Variants in EIF4E3 observed in about 807,000 individuals in gnomAD.
EIF4E3 encodes eukaryotic translation initiation factor 4E family member 3, also known as eukaryotic translation initiation factor 4E type 3.
In EIF4E3, 26 loss-of-function variants were observed where a neutral mutation model predicts 31.7. The observed-to-expected ratio is 0.82, with a 90% CI of 0.60 to 1.14. The LOEUF (loss-of-function observed/expected upper bound fraction) is 1.14, where lower values mean the gene tolerates loss of function less well. Among genes scored for constraint, EIF4E3 ranks in the 50% most tolerant of loss-of-function variants. The probability of loss-of-function intolerance (pLI) is 0.00; values close to 1 mark genes in which losing one functional copy is unlikely to be tolerated. For synonymous variants in EIF4E3, 128 were observed against 107.7 expected, an observed-to-expected ratio of 1.19 and a Z score of -1.17; for missense variants, 304 against 270.9, an observed-to-expected ratio of 1.12 and a Z score of -0.86.
chr3:71,718,387 T>C lies in EIF4E3; in HGVS notation c.176+6805A>G, dbSNP rs138813675. Among the ~76,000 whole-genome samples, 1,164 of 152,384 alleles carry C rather than the reference T, an allele frequency of 7.6e-3. 10 individuals carry two copies. Among genetic ancestry groups the C allele is most frequent in the Admixed American group, 0.011 (174 of 15,312 alleles). On this transcript the variant is annotated intron_variant, in intron 1 of 6. Transcript: ENST00000425534. The stretch of plus-strand genomic sequence containing the variant: ...ATATATACATCATTTAAAGGTTTTA[T>C]TTCTGCATGTTTATTTGATTTTGAT...
chr3:71,754,087 G>A, upstream of EIF4E3: 2 of 1,343,240 alleles, frequency 1.5e-6, no homozygotes, highest in South Asian at 1.4e-5. This position sits in a 1 kb window ranked among gnomAD's most constrained non-coding sequence, Gnocchi z 5.8. Context: ...AGCGGCGGCG[G>A]CGAGGCGGCC....
intron 1 of EIF4E3, among the ~76,000 whole-genome samples, chr3:71,717,182 C>T (rs2049478072): frequency 6.6e-6 from 1 of 152,190 alleles, no homozygotes; most frequent in South Asian, 2.1e-4. Context: ...GTAGCATCAC[C>T]CGGGAGCTTG....
chr3:71,710,319 AG>A (rs2108077383), intron 2 of EIF4E3, 92 bp downstream of exon 2: 2 of 1,395,078 alleles, frequency 1.4e-6, no homozygotes, highest in Non-Finnish European at 2.0e-6. Context: ...AACCCTGGAC[AG>A]GGGCTGCCAG....
intron 6 of EIF4E3, among the ~76,000 whole-genome samples, chr3:71,686,325 A>C (rs118084361): frequency 6.6e-6 from 1 of 151,954 alleles, no homozygotes; most frequent in African/African-American, 2.4e-5. Context: ...TCTTCAGACT[A>C]TTGCTGAGGG....
chr3:71,692,391 C>T (rs927555942), intron 5 of EIF4E3, among the ~76,000 whole-genome samples: 12 of 152,198 alleles, frequency 7.9e-5, no homozygotes, highest in Admixed American at 7.2e-4. Flanking sequence ...TTACTCAATA[C>T]TGGCTATTTA....
intron 1 of EIF4E3, among the ~76,000 whole-genome samples, chr3:71,723,006 C>T (rs567437474): frequency 4.6e-5 from 7 of 152,290 alleles, no homozygotes; most frequent in African/African-American, 1.4e-4. Context: ...ACACAGTAGG[C>T]TGGAAAGTAG....
chr3:71,718,017 AATG>A (rs1429882687), intron 1 of EIF4E3, among the ~76,000 whole-genome samples: 1 of 152,258 alleles, frequency 6.6e-6, no homozygotes, highest in Non-Finnish European at 1.5e-5. Flanking sequence ...TGAAAAAACC[AATG>A]ATGACAATAT....
At chr3:71,754,247 G>T (rs772141872), upstream of EIF4E3, 2 of 1,284,392 alleles carry the variant, frequency 1.6e-6, no homozygotes, top group Admixed American at 4.8e-5. This position sits in a 1 kb window ranked among gnomAD's most constrained non-coding sequence, Gnocchi z 5.8. Flanking sequence ...CCGACGGGCT[G>T]CGCGCGCTCG....
At chr3:71,671,544 G>C (rs554858617), downstream of EIF4E3, among the ~76,000 whole-genome samples, 3 of 152,316 alleles carry the variant, frequency 2.0e-5, no homozygotes, top group South Asian at 6.2e-4. Flanking sequence ...GTCAGGATCA[G>C]AAAGACACTT....
intron 1 of EIF4E3, among the ~76,000 whole-genome samples, chr3:71,733,187 G>A (rs55670724): frequency 0.13 from 19,916 of 152,092 alleles, 1,606 homozygotes; most frequent in South Asian, 0.35. Flanking sequence ...TTGGTCCTGG[G>A]AAAACCCGAA....
the EIF4E3 span, among the ~76,000 whole-genome samples, chr3:71,669,733 G>A: frequency 6.6e-6 from 1 of 152,076 alleles, no homozygotes; most frequent in Non-Finnish European, 1.5e-5. Context: ...TTTATTTTGA[G>A]TGACATTCTA....
chr3:71,695,096 C>T (rs1317025087), intron 4 of EIF4E3, among the ~76,000 whole-genome samples: 1 of 152,132 alleles, frequency 6.6e-6, no homozygotes, highest in East Asian at 1.9e-4. Context: ...TAGCCTGTCC[C>T]TTCTGGTCTA....
intron 1 of EIF4E3, among the ~76,000 whole-genome samples, chr3:71,731,821 G>A (rs749236198): frequency 3.9e-5 from 6 of 152,100 alleles, no homozygotes; most frequent in Non-Finnish European, 8.8e-5. Flanking sequence ...CTGAAATCTG[G>A]AATCTAGCCT....
upstream of EIF4E3, among the ~76,000 whole-genome samples, chr3:71,727,594 T>C (rs995989115): frequency 6.6e-6 from 1 of 152,224 alleles, no homozygotes; most frequent in African/African-American, 2.4e-5. Flanking sequence ...CAGAATAAGT[T>C]TGGAGAAGAA....
At position 71,680,114 on chromosome 3, in the gene EIF4E3, G is replaced by C; in HGVS notation, c.*4568C>G. 1 of 152,122 alleles carries C rather than the reference G, an allele frequency of 6.6e-6. No individual in the cohort carries two copies. The highest frequency in any genetic ancestry group is 1.9e-4 in the East Asian group (1 of 5,190). The allele number at this position is 152,122 out of a possible 1,614,324, so 9.4% of individuals were successfully genotyped here. ...TTATTCACGAGCATCATCTACTCAA[G>C]TCTCAGTATTAATGGTTTTCTCCAG... is the stretch of plus-strand genomic sequence containing the variant. On this transcript the variant is annotated 3_prime_UTR_variant, in exon 7 of 7. Transcript: ENST00000425534.
chr3:71,725,081 G>A lies in EIF4E3; in HGVS notation c.176+111C>T. ...CAGGCGGACGCGCGGAGGGGCCGAG[G>A]TCTGTGCCACAGCGGAGCGGGGCCG... On this transcript the variant is annotated intron_variant, in intron 1 of 6. Coordinates refer to ENST00000425534, the MANE Select transcript of EIF4E3 (RefSeq NM_001134651.2). The surrounding 1 kb of genome is among the most constrained non-coding windows in gnomAD (Gnocchi z 6.1). The A allele has an allele frequency of 1.2e-6, 1 of 837,562 alleles. No homozygotes were observed. The highest frequency in any genetic ancestry group is 1.4e-6 in the Non-Finnish European group (1 of 691,594). The allele number at this position is 837,562 out of a possible 1,614,324, so 51.9% of individuals were successfully genotyped here. A position where few individuals can be genotyped will look rare whatever the true frequency, so the allele number is the denominator to read the frequency against.
At chr3:71,713,731 C>A (rs1057067107) in intron 1 of EIF4E3, among the ~76,000 whole-genome samples, 1 of 152,088 alleles carries the variant, frequency 6.6e-6, no homozygotes, top group East Asian at 1.9e-4. Flanking sequence ...GCCATCACCT[C>A]GAGGCCTGAA....
chr3:71,731,872 T>C (rs1449284747), intron 1 of EIF4E3, among the ~76,000 whole-genome samples: 1 of 152,236 alleles, frequency 6.6e-6, no homozygotes, highest in Admixed American at 6.5e-5. Flanking sequence ...TCAAATGCAT[T>C]TGCGAGTATA....
intron 1 of EIF4E3, among the ~76,000 whole-genome samples, chr3:71,741,060 C>T (rs2049815383): frequency 6.6e-6 from 1 of 152,016 alleles, no homozygotes; most frequent in African/African-American, 2.4e-5. Context: ...GGCTTGAAAC[C>T]AGGAGGCAGA....
Sources: allele counts gnomAD v4.1 joint callset (sites outside exome capture counted in the v4.1 genomes callset), GRCh38; gene constraint gnomAD v4.1.1; non-coding constraint Gnocchi (gnomAD v3.1); transcripts MANE v1.5; gene names NCBI Gene and HGNC (gene_info 2026-07-23, HGNC 2026-07-21).